The following STK11IP variants were observed in gnomAD, a reference collection of about 807,000 sequenced individuals.
STK11IP encodes serine/threonine kinase 11 interacting protein.
A neutral mutation model predicts 131.7 loss-of-function variants in STK11IP; 103 were observed. The ratio of observed to expected loss-of-function variants is 0.78; its 90% CI spans 0.67 to 0.92. The LOEUF (loss-of-function observed/expected upper bound fraction) is 0.92, where lower values mean the gene tolerates loss of function less well. Among genes scored for constraint, STK11IP ranks in the 40% least tolerant of loss-of-function variants. The pLI is 0.00. For missense variants in STK11IP, 1,315 were observed against 1,385.7 expected, an observed-to-expected ratio of 0.95 and a Z score of 0.81; for synonymous variants, 557 against 575.6, an observed-to-expected ratio of 0.97 and a Z score of 0.46.
intron 2 of STK11IP, chr2:219,598,562 T>G (rs1697876076): frequency 5.6e-6 from 1 of 180,080 alleles, no homozygotes; most frequent in Non-Finnish European, 1.2e-5. Context: ...CCCACTTGGG[T>G]TGGAATATCA....
At position 219,606,194 on chromosome 2, in the gene STK11IP, G is replaced by T. The variant is rs1418230272; in HGVS notation, c.850-1G>T. The T allele has an allele frequency of 6.4e-7, 1 of 1,561,442 alleles. No homozygotes were observed. The highest frequency in any genetic ancestry group is 2.4e-5 in the East Asian group (1 of 41,592). On this transcript the variant is annotated splice_acceptor_variant, in intron 9 of 24. Coordinates refer to ENST00000456909, the MANE Select transcript of STK11IP (RefSeq NM_052902.4). LOFTEE classifies it high-confidence loss of function. The stretch of plus-strand genomic sequence containing the variant: ...CTCATTCTCCCCTTCCTGCCCCTCA[G>T]CTCTACCTGGAGGGGAACCCTCTTT...
At chr2:219,614,616 C>A in intron 23 of STK11IP, 70 bp downstream of exon 23, 1 of 1,475,480 alleles carries the variant, frequency 6.8e-7, no homozygotes, top group Non-Finnish European at 9.5e-7. Context: ...CTGGCCCACG[C>A]GCAGCACCTG....
intron 11 of STK11IP, 37 bp from the exon 12 acceptor site, chr2:219,606,675 C>A: frequency 6.3e-7 from 1 of 1,596,112 alleles, no homozygotes; most frequent in Non-Finnish European, 8.6e-7. Context: ...TGCTCCCAGG[C>A]TCCAACCTCT....
intron 19 of STK11IP, 69 bp downstream of exon 19, chr2:219,612,127 A>G: frequency 1.4e-6 from 2 of 1,419,206 alleles, no homozygotes; most frequent in Admixed American, 2.0e-5. Flanking sequence ...ATCACAGCCA[A>G]CTGAGTCAGA....
intron 16 of STK11IP, 38 bp downstream of exon 16, chr2:219,609,251 G>A (rs925223716): frequency 6.3e-7 from 1 of 1,575,636 alleles, no homozygotes; most frequent in African/African-American, 1.4e-5. Context: ...GAGGCTGTGG[G>A]GATTAAGAGA....
chr2:219,599,607 T>C (rs565812831), intron 2 of STK11IP, among the ~76,000 whole-genome samples: 2 of 152,312 alleles, frequency 1.3e-5, no homozygotes, highest in Non-Finnish European at 2.9e-5. Context: ...AATGTGTGAC[T>C]ACAAGGAGGT....
Position 219,613,856 on chromosome 2 carries a change from C to A in STK11IP, c.2642C>A (p.Ala881Glu), listed in dbSNP as rs751820625. Reference protein sequence around the residue: ...LAGQSLRLEWAAGAGRCVLLP... With the variant: ...LAGQSLRLEWEAGAGRCVLLP... ...GGCCAGAGCCTGCGGCTAGAGTGGG[C>A]AGCTGGGGCGGGCCGCTGTGTGCTG... The change falls in exon 21 of 25, where the codon GCA becomes GAA. Residue 881 changes from alanine to glutamate, a missense_variant. Transcript: ENST00000456909. 2.5e-6 allele frequency: 4 copies of A among 1,612,062 alleles called. No homozygotes were observed. The highest frequency in any genetic ancestry group is 3.4e-6 in the Non-Finnish European group (4 of 1,179,576).
rs770075355 is a variant in STK11IP, at chr2:219,602,497, C to T, written c.468C>T (p.Phe156=). The T allele has an allele frequency of 1.9e-6, 3 of 1,613,976 alleles. No homozygotes were observed. The highest frequency in any genetic ancestry group is 2.5e-6 in the Non-Finnish European group (3 of 1,179,880). ...TCCTCTCAGCCTGCGGCGGCGACTT[C>T]TGCTCTGCCCTCCCTTGGCTGGCTC... is the stretch of plus-strand genomic sequence containing the variant. ...EELLSACGGD[F]CSALPWLALL... is the part of the protein sequence containing the mutation. Residue 156 remains phenylalanine, a synonymous_variant, in exon 6 of 25, where the codon TTC becomes TTT. Coordinates refer to ENST00000456909, the MANE Select transcript of STK11IP (RefSeq NM_052902.4).
Position 219,608,435 on chromosome 2 carries a change from G to GC in STK11IP, c.1603+8dup. ...AGGACCAGAAGGAAGTGGAAGGTGA[G>GC]CCCTTTGTGGGCTGGGGCGAGCTGA... On this transcript the variant is annotated splice_donor_region_variant and intron_variant, in intron 14 of 24. Transcript: ENST00000456909. 3 of 1,552,222 alleles carry GC rather than the reference G, an allele frequency of 1.9e-6. No homozygotes were observed. Among genetic ancestry groups the GC allele is most frequent in the Non-Finnish European group, 2.6e-6 (3 of 1,148,560 alleles).
chr2:219,609,903 A>G (rs1333686349), intron 17 of STK11IP, among the ~76,000 whole-genome samples: 1 of 152,104 alleles, frequency 6.6e-6, no homozygotes, highest in Non-Finnish European at 1.5e-5. Context: ...CCCTCACTGC[A>G]GTATTGGATT....
rs751764373 is a variant in STK11IP, at chr2:219,608,324, G to A, written c.1497G>A (p.Glu499=). The change falls in exon 14 of 25, where the codon GAG becomes GAA. Residue 499 remains glutamate, a synonymous_variant. Transcript: ENST00000456909. ...EVRAEPQEEE[E]EKEGKEEKEE... ...GGGCGGAGCCACAGGAGGAGGAAGA[G>A]GAGAAGGAGGGGAAGGAGGAGAAGG... 1 of 1,601,698 alleles carries A rather than the reference G, an allele frequency of 6.2e-7. No homozygotes were observed. The highest frequency in any genetic ancestry group is 8.5e-7 in the Non-Finnish European group (1 of 1,174,302).
intron 23 of STK11IP, 42 bp from the exon 24 acceptor site, chr2:219,615,052 C>T (rs1698528417): frequency 1.3e-6 from 2 of 1,583,276 alleles, no homozygotes; most frequent in Non-Finnish European, 1.7e-6. Context: ...GGGATCTGGG[C>T]CCCTCCATGA....
At chr2:219,606,132 C>T in intron 9 of STK11IP, 63 bp from the exon 10 acceptor site, 3 of 1,542,442 alleles carry the variant, frequency 1.9e-6, no homozygotes, top group South Asian at 2.4e-5. Context: ...TGGTCAGTGC[C>T]TTCTTCACAC....
At position 219,609,560 on chromosome 2, in the gene STK11IP, CCT is replaced by C. The variant is rs1301758368; in HGVS notation, c.2104+25_2104+26del. ...AGACAGGTACAAGTCCTGCCCTTGACCTCTCTGCCCACACGCCTCCCCTGTTC... is the reference window on the plus strand; with the variant it reads ...AGACAGGTACAAGTCCTGCCCTTGACCTCTGCCCACACGCCTCCCCTGTTC... On this transcript the variant is annotated intron_variant, in intron 17 of 24. Coordinates refer to ENST00000456909, the MANE Select transcript of STK11IP (RefSeq NM_052902.4). 1 of 1,552,872 alleles carries C rather than the reference CCT, an allele frequency of 6.4e-7. No homozygotes were observed. Among genetic ancestry groups the C allele is most frequent in the Admixed American group, 2.0e-5 (1 of 51,150 alleles).
intron 15 of STK11IP, 119 bp downstream of exon 15, chr2:219,608,907 G>T: frequency 8.0e-7 from 1 of 1,252,290 alleles, no homozygotes; most frequent in South Asian, 1.5e-5. Flanking sequence ...GCCGAGGAGG[G>T]GAGCCTCAGA....
rs773437658 is a variant in STK11IP, at chr2:219,602,005, C to G, written c.360C>G (p.Leu120=). 1.9e-6 allele frequency: 3 copies of G among 1,611,480 alleles called. No homozygotes were observed. The highest frequency in any genetic ancestry group is 2.5e-6 in the Non-Finnish European group (3 of 1,179,032). Residue 120 remains leucine (L), a synonymous_variant, in exon 5 of 25, where the codon CTC becomes CTG. Coordinates refer to ENST00000456909, the MANE Select transcript of STK11IP (RefSeq NM_052902.4). ...TGTCCCAGCTCCGAGGTGTTCCCCT[C>G]CACTGTCTGCATGGCCTCCGAGGCA... ...LRHLELRGVP[L]HCLHGLRGIY... is the part of the protein sequence containing the mutation.
At chr2:219,602,286 A>C (rs368358635) in intron 5 of STK11IP, among the ~76,000 whole-genome samples, 182 bp from the exon 6 acceptor site, 8 of 152,278 alleles carry the variant, frequency 5.3e-5, no homozygotes, top group African/African-American at 1.4e-4. Flanking sequence ...TACATATTCT[A>C]GTGTCTACCT....
At chr2:219,607,971 G>C (rs1001870416) in intron 13 of STK11IP, 76 bp from the exon 14 acceptor site, 21 of 1,547,108 alleles carry the variant, frequency 1.4e-5, no homozygotes, top group Non-Finnish European at 1.7e-5. Context: ...CCTCATCGCT[G>C]AGGAGCACCG....
chr2:219,612,596 A>G (rs1698431705), intron 19 of STK11IP, among the ~76,000 whole-genome samples: 1 of 152,150 alleles, frequency 6.6e-6, no homozygotes, highest in Admixed American at 6.5e-5. Flanking sequence ...TAAGTTAAGG[A>G]GTAGGGAGGA....
Sources: gnomAD v4.1 joint callset for allele counts (sites outside exome capture counted in the v4.1 genomes callset) on GRCh38, gnomAD v4.1.1 for gene constraint, MANE v1.5 for transcripts, NCBI Gene and HGNC (gene_info 2026-07-23, HGNC 2026-07-21) for gene names.